EVA1A: variants seen among roughly 807,000 people sequenced by gnomAD.
EVA1A encodes the protein eva-1 homolog A, regulator of programmed cell death, also known as protein eva-1 homolog A.
In EVA1A, 7 loss-of-function variants were observed where a neutral mutation model predicts 9.8. The ratio of observed to expected loss-of-function variants is 0.71; its 90% CI spans 0.41 to 1.34. The LOEUF is 1.34. Ranked by LOEUF, EVA1A falls within the 40% of genes most tolerant of loss-of-function variation. EVA1A has a pLI of 0.01. For missense variants in EVA1A, 206 were observed against 205.9 expected (o/e 1.00, Z 0.00); for synonymous variants, 90 against 85.6 (o/e 1.05, Z -0.28).
intron 3 of EVA1A, among the ~76,000 whole-genome samples, chr2:75,501,971 G>A (rs180877214): frequency 6.6e-6 from 1 of 152,174 alleles, no homozygotes; most frequent in Non-Finnish European, 1.5e-5. Flanking sequence ...ACCCAAGGAA[G>A]ACAATTCCCC....
At chr2:75,512,370 G>T (rs986913636) in intron 3 of EVA1A, among the ~76,000 whole-genome samples, 2 of 152,122 alleles carry the variant, frequency 1.3e-5, no homozygotes, top group African/African-American at 4.8e-5. Flanking sequence ...GAGTGTGGGT[G>T]GGTGCCTAAG....
chr2:75,507,922 C>A (rs753878144), intron 3 of EVA1A, among the ~76,000 whole-genome samples: 2 of 152,206 alleles, frequency 1.3e-5, no homozygotes, highest in Non-Finnish European at 2.9e-5. Flanking sequence ...GGCAGAAGAA[C>A]ATGAATTGTG....
Position 75,517,767 on chromosome 2 carries a change from T to C in EVA1A, c.85+289A>G. 4.2e-6 allele frequency: 3 copies of C among 717,484 alleles called. No homozygotes were observed. In the South Asian group the frequency reaches 4.4e-5, roughly 11 times the overall value. 44.4% of individuals were successfully genotyped at this position (717,484 alleles called of 1,614,324 possible). A position where few individuals can be genotyped will look rare whatever the true frequency, so the allele number is the denominator to read the frequency against. ...CCCCTCCTTGGTCAGAGTTAATGCA[T>C]AGTGACAGAAGCCAACAGTAGCCCT... On this transcript the variant is annotated intron_variant, in intron 3 of 3. Coordinates refer to ENST00000393913, the MANE Select transcript of EVA1A (RefSeq NM_001135032.2).
At chr2:75,562,275 C>A (rs1676941599), upstream of EVA1A, among the ~76,000 whole-genome samples, 1 of 152,112 alleles carries the variant, frequency 6.6e-6, no homozygotes, top group Non-Finnish European at 1.5e-5. Context: ...CAATAGGTGG[C>A]CCCAGCTCCA....
intron 3 of EVA1A, among the ~76,000 whole-genome samples, chr2:75,501,751 G>T (rs1674433234): frequency 6.6e-6 from 1 of 152,196 alleles, no homozygotes; most frequent in Non-Finnish European, 1.5e-5. Context: ...ATGGATAGAG[G>T]AAAGGACCCT....
At chr2:75,507,703 C>T (rs190323946) in intron 3 of EVA1A, among the ~76,000 whole-genome samples, 25 of 152,288 alleles carry the variant, frequency 1.6e-4, no homozygotes, top group East Asian at 3.9e-4. Flanking sequence ...CAGCCCAAAA[C>T]GGCCCTTCAG....
At chr2:75,539,868 T>C (rs752519527) in intron 1 of EVA1A, among the ~76,000 whole-genome samples, 9 of 152,144 alleles carry the variant, frequency 5.9e-5, no homozygotes, top group African/African-American at 1.2e-4. Context: ...CAGTGGGTAA[T>C]TGAAGGCATA....
intron 3 of EVA1A, among the ~76,000 whole-genome samples, chr2:75,497,850 CAAAAAAAAAA>C (rs33933086): frequency 3.0e-5 from 2 of 66,854 alleles, no homozygotes; most frequent in Admixed American, 1.9e-4. Flanking sequence ...GATCCTGTCT[CAAAAAAAAAA>C]AAAAAAAAAA....
intron 1 of EVA1A, chr2:75,542,330 A>T (rs544598662): frequency 6.6e-6 from 1 of 152,410 alleles, no homozygotes; most frequent in African/African-American, 2.4e-5. Context: ...TGTTCTAACA[A>T]TGCCACTCAT....
chr2:75,521,015 T>C (rs1675211683), intron 2 of EVA1A, among the ~76,000 whole-genome samples: 2 of 151,970 alleles, frequency 1.3e-5, no homozygotes, highest in Admixed American at 6.6e-5. Context: ...ACTCAACAAC[T>C]AAAAACAAAG....
chr2:75,544,666 T>C lies in EVA1A; in HGVS notation c.-192+16014A>G, dbSNP rs558918197. On this transcript the variant is annotated intron_variant, in intron 1 of 3. Coordinates refer to ENST00000393913, the MANE Select transcript of EVA1A (RefSeq NM_001135032.2). ...ATTAACCTCTCATGATGATACAACA[T>C]AATTTTGGGAAGAATTTTCTGCCAA... Among the ~76,000 whole-genome samples the C allele has an allele frequency of 6.6e-5, 10 of 152,322 alleles. No individual in the cohort carries two copies. In the South Asian group the frequency reaches 2.1e-3, roughly 32 times the overall value.
rs565218048 is a variant in EVA1A, at chr2:75,494,006, C to A, written c.86-397G>T. 1.3e-3 allele frequency among the ~76,000 whole-genome samples: 202 copies of A among 152,294 alleles called. 2 individuals are homozygous for A. The South Asian group carries it at 0.017, about 13-fold the overall frequency. ...CTTTACTTGAGAATTTGCTCATACACCCCCACTGAATTACCCTTTCATCAC... is the reference window on the plus strand; with the variant it reads ...CTTTACTTGAGAATTTGCTCATACAACCCCACTGAATTACCCTTTCATCAC... On this transcript the variant is annotated intron_variant, in intron 3 of 3. Coordinates refer to ENST00000393913, the MANE Select transcript of EVA1A (RefSeq NM_001135032.2).
chr2:75,552,667 T>C (rs1212201902), intron 1 of EVA1A, among the ~76,000 whole-genome samples: 3 of 152,192 alleles, frequency 2.0e-5, no homozygotes, highest in Non-Finnish European at 2.9e-5. Context: ...ACATTTCCCA[T>C]ACTTCATTGT....
chr2:75,499,746 G>A (rs986806476), intron 3 of EVA1A, among the ~76,000 whole-genome samples: 1 of 152,074 alleles, frequency 6.6e-6, no homozygotes, highest in African/African-American at 2.4e-5. Context: ...GGTGACGGCT[G>A]GTCAGGGAGC....
In EVA1A at chr2:75,523,922, T is replaced by A. The variant is rs551329910; in HGVS notation, c.-191-1435A>T. The A allele has an allele frequency of 3.9e-5, 6 of 152,286 alleles. No homozygotes were observed. The East Asian group carries it at 1.2e-3, about 29-fold the overall frequency. 9.4% of individuals were successfully genotyped at this position (152,286 alleles called of 1,614,324 possible). ...ATCTCATCTTGTAATATAGTTCCTA[T>A]AATCCCCAACTGTTGTAGGAGGGAC... is the stretch of plus-strand genomic sequence containing the variant. On this transcript the variant is annotated intron_variant, in intron 1 of 3. Transcript: ENST00000393913.
At chr2:75,559,991 C>T (rs1412303431) in intron 1 of EVA1A, among the ~76,000 whole-genome samples, 1 of 152,178 alleles carries the variant, frequency 6.6e-6, no homozygotes, top group Non-Finnish European at 1.5e-5. Context: ...TCCTCATTTC[C>T]TCCATGTCCC....
chr2:75,558,212 TC>T (rs1676791481), intron 1 of EVA1A, among the ~76,000 whole-genome samples: 1 of 152,220 alleles, frequency 6.6e-6, no homozygotes, highest in Non-Finnish European at 1.5e-5. Context: ...AGGTAGGCAC[TC>T]AGTATTAAGA....
At chr2:75,531,669 C>T (rs547462724) in intron 1 of EVA1A, among the ~76,000 whole-genome samples, 258 of 152,160 alleles carry the variant, frequency 1.7e-3, no homozygotes, top group African/African-American at 6.1e-3. Context: ...GAATAGAAAA[C>T]CATACATTGT....
intron 1 of EVA1A, chr2:75,542,433 T>A (rs757573396): frequency 2.6e-5 from 4 of 152,252 alleles, no homozygotes; most frequent in Non-Finnish European, 5.9e-5. Flanking sequence ...CTTCCCAACC[T>A]ACCTTTCCAT....
Sources: allele counts gnomAD v4.1 joint callset (sites outside exome capture counted in the v4.1 genomes callset), GRCh38; gene constraint gnomAD v4.1.1; transcripts MANE v1.5; gene names NCBI Gene and HGNC (gene_info 2026-07-23, HGNC 2026-07-21).